NBAS: variants seen among roughly 807,000 people sequenced by gnomAD.
NBAS encodes NBAS subunit of NRZ tethering complex.
Under a neutral mutation model 302.5 loss-of-function variants are expected in NBAS, and 219 were observed. The observed-to-expected ratio is 0.72, with a 90% CI of 0.65 to 0.81. NBAS has a LOEUF of 0.81. Ranked by LOEUF, NBAS falls within the 30% of genes least tolerant of loss-of-function variation. NBAS has a pLI of 0.00. For synonymous variants in NBAS, 1,118 were observed against 1,021.6 expected, an observed-to-expected ratio of 1.09 and a Z score of -1.80; for missense variants, 2,932 against 2,841.6, an observed-to-expected ratio of 1.03 and a Z score of -0.72.
chr2:15,537,151 T>C (rs1244759132), intron 7 of NBAS, among the ~76,000 whole-genome samples: 3 of 152,188 alleles, frequency 2.0e-5, no homozygotes, highest in Non-Finnish European at 4.4e-5. Flanking sequence ...AATATGCCAC[T>C]TTGGCATAAG....
chr2:15,530,848 C>A (rs778732786), intron 9 of NBAS, among the ~76,000 whole-genome samples: 1 of 151,568 alleles, frequency 6.6e-6, no homozygotes, highest in Non-Finnish European at 1.5e-5. Context: ...AATAAACCTA[C>A]GCCAAGTCAT....
the NBAS span, among the ~76,000 whole-genome samples, chr2:15,046,110 A>T: frequency 6.6e-6 from 1 of 152,170 alleles, no homozygotes; most frequent in Non-Finnish European, 1.5e-5. Context: ...ACAAGTCATT[A>T]CCTTCATGAC....
At chr2:15,331,801 T>C (rs1381175802) in intron 35 of NBAS, among the ~76,000 whole-genome samples, 1 of 152,216 alleles carries the variant, frequency 6.6e-6, no homozygotes, top group Non-Finnish European at 1.5e-5. Context: ...TCCTAATCCC[T>C]AGAACCTGTG....
At chr2:15,446,843 A>G (rs10204547) in intron 21 of NBAS, among the ~76,000 whole-genome samples, 2,171 of 151,866 alleles carry the variant, frequency 0.014, 41 homozygotes, top group African/African-American at 0.05. Context: ...GACTATTATA[A>G]GTTAAAGAAG....
the NBAS span, among the ~76,000 whole-genome samples, chr2:14,788,484 T>C: frequency 6.6e-6 from 1 of 152,182 alleles, no homozygotes; most frequent in Non-Finnish European, 1.5e-5. Flanking sequence ...GATGGTGATG[T>C]ACAGATGGGT....
At chr2:15,513,712 G>A (rs1662250645) in intron 9 of NBAS, among the ~76,000 whole-genome samples, 1 of 151,776 alleles carries the variant, frequency 6.6e-6, no homozygotes, top group Non-Finnish European at 1.5e-5. Flanking sequence ...ACATAGGTTG[G>A]ATGCAGTGGC....
chr2:15,202,617 G>A (rs1036761274), intron 48 of NBAS, among the ~76,000 whole-genome samples: 21 of 152,118 alleles, frequency 1.4e-4, no homozygotes, highest in Non-Finnish European at 2.6e-4. Context: ...TTGGCTCACT[G>A]CAACCTCCGC....
At chr2:15,057,358 A>AAG in the NBAS span, among the ~76,000 whole-genome samples, 4 of 149,104 alleles carry the variant, frequency 2.7e-5, no homozygotes, top group East Asian at 2.0e-4. Context: ...GATTGGGCAG[A>AAG]AGAGAGAGAG....
chr2:15,094,716 C>T, the NBAS span, among the ~76,000 whole-genome samples: 2 of 152,192 alleles, frequency 1.3e-5, no homozygotes, highest in Non-Finnish European at 2.9e-5. Flanking sequence ...GCCGGCTGAA[C>T]CCTGCAGTGC....
intron 38 of NBAS, among the ~76,000 whole-genome samples, chr2:15,313,280 C>G (rs924225043): frequency 6.6e-6 from 1 of 152,146 alleles, no homozygotes; most frequent in Non-Finnish European, 1.5e-5. Context: ...ATCTAAAACA[C>G]AAATACATAT....
the NBAS span, among the ~76,000 whole-genome samples, chr2:14,903,346 GAAAC>G: frequency 2.3e-5 from 3 of 129,486 alleles, no homozygotes; most frequent in African/African-American, 8.2e-5. Flanking sequence ...AAAAAAGAAA[GAAAC>G]ATGTTGAAAA....
At chr2:15,384,551 T>C (rs1675196882) in intron 28 of NBAS, among the ~76,000 whole-genome samples, 2 of 147,326 alleles carry the variant, frequency 1.4e-5, no homozygotes, top group South Asian at 4.5e-4. Context: ...CTGGTAAACA[T>C]TCAACAAATG....
chr2:15,346,454 C>A (rs773027671), intron 35 of NBAS, among the ~76,000 whole-genome samples: 164 of 152,026 alleles, frequency 1.1e-3, no homozygotes, highest in Admixed American at 3.0e-3. Flanking sequence ...TAATGAGATA[C>A]CATCTCACGC....
the NBAS span, among the ~76,000 whole-genome samples, chr2:15,151,462 C>A: frequency 6.6e-6 from 1 of 152,220 alleles, no homozygotes; most frequent in Non-Finnish European, 1.5e-5. Flanking sequence ...GCTACAATAG[C>A]TAACTCAACT....
At chr2:15,356,986 C>T (rs1330651704) in intron 32 of NBAS, among the ~76,000 whole-genome samples, 2 of 152,230 alleles carry the variant, frequency 1.3e-5, no homozygotes, top group African/African-American at 4.8e-5. Flanking sequence ...TTTAGCACAA[C>T]TTCTGCTATC....
At chr2:14,824,468 G>T in the NBAS span, among the ~76,000 whole-genome samples, 2 of 152,056 alleles carry the variant, frequency 1.3e-5, no homozygotes, top group African/African-American at 4.8e-5. Context: ...AATATTTGTA[G>T]GGGACAGAAA....
chr2:15,338,836 C>T (rs1672718221), intron 35 of NBAS, among the ~76,000 whole-genome samples: 1 of 151,898 alleles, frequency 6.6e-6, no homozygotes, highest in Non-Finnish European at 1.5e-5. Context: ...ATATTGAGAC[C>T]CCGTATCTAA....
chr2:15,089,187 G>A, the NBAS span, among the ~76,000 whole-genome samples: 21 of 152,000 alleles, frequency 1.4e-4, no homozygotes, highest in Non-Finnish European at 2.1e-4. Flanking sequence ...TCACCATGTT[G>A]CCCAGGCTGG....
the NBAS span, among the ~76,000 whole-genome samples, chr2:15,123,871 T>G: frequency 1.3e-5 from 2 of 152,186 alleles, no homozygotes; most frequent in Admixed American, 1.3e-4. Flanking sequence ...AACATTAATA[T>G]TGAAGAGTAG....
Sources: gnomAD v4.1 joint callset for allele counts (sites outside exome capture counted in the v4.1 genomes callset) on GRCh38, gnomAD v4.1.1 for gene constraint, MANE v1.5 for transcripts, NCBI Gene and HGNC (gene_info 2026-07-23, HGNC 2026-07-21) for gene names.